FAM133B: variants seen among roughly 807,000 people sequenced by gnomAD.
FAM133B encodes the protein protein FAM133B.
A neutral mutation model predicts 46.4 loss-of-function variants in FAM133B; 25 were observed. That is an observed-to-expected ratio of 0.54 (90% CI 0.39 to 0.75). FAM133B has a LOEUF of 0.75. Among genes scored for constraint, FAM133B ranks in the 30% least tolerant of loss-of-function variants. The probability of loss-of-function intolerance (pLI) is 0.00; values close to 1 mark genes in which losing one functional copy is unlikely to be tolerated. For synonymous variants in FAM133B, 75 were observed against 86.0 expected, an observed-to-expected ratio of 0.87 and a Z score of 0.71; for missense variants, 205 against 277.6, an observed-to-expected ratio of 0.74 and a Z score of 1.86.
In FAM133B at chr7:92,575,839, T is replaced by G; in HGVS notation, c.466-18A>C. 1 of 1,152,414 alleles carries G rather than the reference T, an allele frequency of 8.7e-7. No homozygotes were observed. Among genetic ancestry groups the G allele is most frequent in the Middle Eastern group, 2.0e-4 (1 of 4,992 alleles). 71.4% of individuals were successfully genotyped at this position (1,152,414 alleles called of 1,614,324 possible). On this transcript the variant is annotated intron_variant, in intron 7 of 10. Transcript: ENST00000445716. ...AAACTATCCTAAACAAAGAAATATA[T>G]GTATCAATTTTAAATGCCAAGGACA...
chr7:92,590,356 G>T lies in FAM133B; in HGVS notation c.-65C>A, dbSNP rs1795168442. 15 of 1,600,578 alleles carry T rather than the reference G, an allele frequency of 9.4e-6. No individual in the cohort carries two copies. The highest frequency in any genetic ancestry group is 1.1e-5 in the South Asian group (1 of 89,676). On this transcript the variant is annotated 5_prime_UTR_variant, in exon 1 of 11. Coordinates refer to ENST00000445716, the MANE Select transcript of FAM133B (RefSeq NM_152789.4). ...CGGGCCGGAGAGACTGCCGAAGAGG[G>T]CCTGCCGCAGGTCCTCTTGCCGCCT...
chr7:92,586,116 G>C (rs28679544), intron 1 of FAM133B, among the ~76,000 whole-genome samples: 1 of 151,964 alleles, frequency 6.6e-6, no homozygotes, highest in African/African-American at 2.4e-5. Context: ...AGAGGAAAAT[G>C]CTAGTAAAGT....
intron 1 of FAM133B, chr7:92,585,323 GTT>G: frequency 2.1e-6 from 2 of 956,010 alleles, no homozygotes; most frequent in Non-Finnish European, 2.5e-6. Context: ...CTGGTCTCAG[GTT>G]TTTGTTTTTG....
intron 1 of FAM133B, among the ~76,000 whole-genome samples, chr7:92,587,606 C>T (rs762751244): frequency 2.0e-5 from 3 of 152,136 alleles, no homozygotes; most frequent in Non-Finnish European, 4.4e-5. Flanking sequence ...TGGTTCCACA[C>T]ACCTGTGGTC....
At chr7:92,574,513 T>C (rs1234833631) in intron 8 of FAM133B, among the ~76,000 whole-genome samples, 1 of 152,152 alleles carries the variant, frequency 6.6e-6, no homozygotes, top group African/African-American at 2.4e-5. Flanking sequence ...TGTAAATACA[T>C]TAATACTGAA....
Position 92,575,839 on chromosome 7 carries a change from T to C in FAM133B, c.466-18A>G, listed in dbSNP as rs979886739. The C allele has an allele frequency of 8.7e-7, 1 of 1,152,294 alleles. No individual in the cohort carries two copies. The highest frequency in any genetic ancestry group is 1.3e-6 in the Non-Finnish European group (1 of 783,892). The allele number at this position is 1,152,294 out of a possible 1,614,324, so 71.4% of individuals were successfully genotyped here. On this transcript the variant is annotated intron_variant, in intron 7 of 10. Transcript: ENST00000445716. ...AAACTATCCTAAACAAAGAAATATA[T>C]GTATCAATTTTAAATGCCAAGGACA... is the stretch of plus-strand genomic sequence containing the variant.
At chr7:92,586,116 G>T (rs28679544) in intron 1 of FAM133B, among the ~76,000 whole-genome samples, 2,029 of 152,082 alleles carry the variant, frequency 0.013, 18 homozygotes, top group Middle Eastern at 0.027. Flanking sequence ...AGAGGAAAAT[G>T]CTAGTAAAGT....
intron 6 of FAM133B, 181 bp from the exon 7 acceptor site, chr7:92,577,376 T>G (rs1314808664): frequency 2.1e-6 from 1 of 465,682 alleles, no homozygotes; most frequent in Non-Finnish European, 3.7e-6. Flanking sequence ...GAATCACATG[T>G]AATGCCTAGC....
chr7:92,579,500 G>T, intron 2 of FAM133B, 105 bp from the exon 3 acceptor site: 1 of 729,956 alleles, frequency 1.4e-6, no homozygotes, highest in Non-Finnish European at 2.3e-6. Flanking sequence ...TATTCTAATA[G>T]ACTTCTATTC....
intron 10 of FAM133B, among the ~76,000 whole-genome samples, chr7:92,563,584 A>C (rs1370324724): frequency 1.3e-5 from 2 of 152,134 alleles, no homozygotes; most frequent in Admixed American, 1.3e-4. Flanking sequence ...CATTCCACTT[A>C]AAACCAATGA....
At chr7:92,586,585 A>G (rs1795043712) in intron 1 of FAM133B, among the ~76,000 whole-genome samples, 1 of 152,232 alleles carries the variant, frequency 6.6e-6, no homozygotes, top group Admixed American at 6.5e-5. Context: ...ATTCACATCC[A>G]TATGTAACTA....
At chr7:92,581,841 G>C (rs1240490232) in intron 1 of FAM133B, 1 of 405,662 alleles carries the variant, frequency 2.5e-6, no homozygotes, top group Non-Finnish European at 4.5e-6. Flanking sequence ...TGTTTTACAA[G>C]AGATTTGATG....
At chr7:92,580,010 T>C (rs894654908) in intron 2 of FAM133B, among the ~76,000 whole-genome samples, 13 of 152,192 alleles carry the variant, frequency 8.5e-5, no homozygotes, top group Non-Finnish European at 1.8e-4. Flanking sequence ...CAGATCATTG[T>C]TCCTAAAACT....
At chr7:92,575,232 C>T (rs770076848) in intron 8 of FAM133B, among the ~76,000 whole-genome samples, 7 of 152,032 alleles carry the variant, frequency 4.6e-5, no homozygotes, top group African/African-American at 9.7e-5. Flanking sequence ...AGGCTGGGCA[C>T]GGAGAGGCCG....
chr7:92,574,042 T>C (rs186870736), intron 8 of FAM133B, among the ~76,000 whole-genome samples: 1 of 152,300 alleles, frequency 6.6e-6, no homozygotes, highest in East Asian at 1.9e-4. Context: ...AAAATTAATT[T>C]TTATTTGCAA....
intron 2 of FAM133B, among the ~76,000 whole-genome samples, 164 bp downstream of exon 2, chr7:92,581,342 T>A (rs754177730): frequency 1.4e-4 from 21 of 152,266 alleles, no homozygotes; most frequent in Non-Finnish European, 2.5e-4. Context: ...TTTATAATTG[T>A]ACACGTGTTT....
Position 92,578,199 on chromosome 7 carries a change from G to A in FAM133B, c.277-17C>T. The A allele has an allele frequency of 6.2e-7, 1 of 1,611,594 alleles. No homozygotes were observed. Among genetic ancestry groups the A allele is most frequent in the Non-Finnish European group, 8.5e-7 (1 of 1,178,850 alleles). On this transcript the variant is annotated splice_polypyrimidine_tract_variant and intron_variant, in intron 4 of 10. Coordinates refer to ENST00000445716, the MANE Select transcript of FAM133B (RefSeq NM_152789.4). ...TTTCTTTCTCTAAATGGAAACAAAA[G>A]TACAAGTCTAAATAAGCTGATGTGA...
At chr7:92,573,886 T>G (rs1794612601) in intron 8 of FAM133B, among the ~76,000 whole-genome samples, 2 of 152,040 alleles carry the variant, frequency 1.3e-5, no homozygotes, top group Admixed American at 1.3e-4. Flanking sequence ...TTTTATTTTT[T>G]TTTAAATTTA....
intron 9 of FAM133B, among the ~76,000 whole-genome samples, chr7:92,569,014 A>G (rs913979319): frequency 4.6e-5 from 7 of 152,198 alleles, no homozygotes; most frequent in African/African-American, 1.7e-4. Flanking sequence ...GAATGGGGAG[A>G]TGAGGAATAT....
Sources: gnomAD v4.1 joint callset for allele counts (sites outside exome capture counted in the v4.1 genomes callset) on GRCh38, gnomAD v4.1.1 for gene constraint, MANE v1.5 for transcripts, NCBI Gene and HGNC (gene_info 2026-07-23, HGNC 2026-07-21) for gene names.